The following ACSM4 variants were observed in gnomAD, a reference collection of about 807,000 sequenced individuals.
The protein encoded by ACSM4 is acyl-CoA synthetase medium chain family member 4, also known as acyl-coenzyme A synthetase ACSM4, mitochondrial.
ACSM4 carries 66 observed loss-of-function variants against 73.0 expected under a neutral mutation model. The ratio of observed to expected loss-of-function variants is 0.90; its 90% CI spans 0.74 to 1.11. The LOEUF (loss-of-function observed/expected upper bound fraction) is 1.11. Among genes scored for constraint, ACSM4 ranks in the 50% least tolerant of loss-of-function variants. The pLI is 0.00. For missense variants in ACSM4, 645 were observed against 714.4 expected (o/e 0.90, Z 1.11); for synonymous variants, 222 against 254.0 (o/e 0.87, Z 1.20).
At chr12:7,307,617 T>C (rs748953976) in intron 2 of ACSM4, among the ~76,000 whole-genome samples, 2 of 152,368 alleles carry the variant, frequency 1.3e-5, no homozygotes, top group Non-Finnish European at 2.9e-5. Flanking sequence ...TAGTAATTTA[T>C]AATTTACCCC....
At position 7,327,264 on chromosome 12, in the gene ACSM4, G is replaced by A. The variant is rs767888861; in HGVS notation, c.1656+169G>A. Among the ~76,000 whole-genome samples, 484 of 152,166 alleles carry A rather than the reference G, an allele frequency of 3.2e-3. 4 individuals carry two copies. The highest frequency in any genetic ancestry group is 4.4e-3 in the Non-Finnish European group (302 of 67,990). ...GCTTTAAAATGTTTTATATTAGAAC[G>A]GTATAAGTGAATTATAAACCAGAAC... On this transcript the variant is annotated intron_variant, in intron 12 of 12. Transcript: ENST00000399422.
At chr12:7,324,438 A>G in intron 10 of ACSM4, 38 bp downstream of exon 10, 1 of 1,613,918 alleles carries the variant, frequency 6.2e-7, no homozygotes, top group Non-Finnish European at 8.5e-7. Flanking sequence ...TAACAATTCG[A>G]CAGGGAGGGA....
rs1411190053 is a variant in ACSM4, at chr12:7,318,062, G to A, written c.801G>A (p.Trp267Ter). The change falls in exon 5 of 13, where the codon TGG becomes TGA. Residue 267 changes from tryptophan to a stop codon, truncating the protein, a stop_gained. Coordinates refer to ENST00000399422, the MANE Select transcript of ACSM4 (RefSeq NM_001080454.2). LOFTEE classifies it high-confidence loss of function. ...ACTTGAAGTCCTCAGATATCATATG[G>A]AATATGTCTGACACGGGCTGGGTCA... ...WLDLKSSDII[W>*]NMSDTGWVKA... The A allele has an allele frequency of 3.1e-6, 5 of 1,613,704 alleles. No individual in the cohort carries two copies. The highest frequency in any genetic ancestry group is 2.2e-5 in the East Asian group (1 of 44,854).
chr12:7,326,889 A>G, intron 11 of ACSM4, 87 bp from the exon 12 acceptor site: 1 of 1,381,574 alleles, frequency 7.2e-7, no homozygotes, highest in African/African-American at 1.5e-5. Context: ...ATTAATAAAT[A>G]GTAAGCACCT....
intron 2 of ACSM4, 104 bp downstream of exon 2, chr12:7,306,847 C>CAAAAAAA (rs59277746): frequency 1.2e-4 from 59 of 488,240 alleles, no homozygotes; most frequent in African/African-American, 3.3e-4. Flanking sequence ...ATACAGAAGA[C>CAAAAAAA]AAAAAAAAAA....
chr12:7,317,396 C>T (rs1228664713), intron 4 of ACSM4, 116 bp downstream of exon 4: 2 of 1,351,856 alleles, frequency 1.5e-6, no homozygotes, highest in African/African-American at 3.0e-5. Context: ...ATTATAATAG[C>T]TACAAAACAG....
At chr12:7,328,109 C>CGGGTG (rs1320288758) in intron 12 of ACSM4, among the ~76,000 whole-genome samples, 178 bp from the exon 13 acceptor site, 2 of 152,198 alleles carry the variant, frequency 1.3e-5, no homozygotes, top group African/African-American at 4.8e-5. Flanking sequence ...GATGGAGCTA[C>CGGGTG]ACTATCACCC....
rs965682520 is a variant in ACSM4 at position 7,306,759 on chromosome 12, A to G, written c.412+16A>G. 2.5e-6 allele frequency: 4 copies of G among 1,593,738 alleles called. No individual in the cohort carries two copies. Among genetic ancestry groups the G allele is most frequent in the Non-Finnish European group, 3.4e-6 (4 of 1,168,904 alleles). ...ATACGAACAGGTCAGTGCCAATATT[A>G]GCATTCTAAATCACACAAACACAGA... is the stretch of plus-strand genomic sequence containing the variant. On this transcript the variant is annotated intron_variant, in intron 2 of 12. Coordinates refer to ENST00000399422, the MANE Select transcript of ACSM4 (RefSeq NM_001080454.2).
rs1435243274 is a variant in ACSM4 at position 7,304,338 on chromosome 12, AT to A, written c.14del (p.Phe5SerfsTer29). 1.9e-6 allele frequency: 3 copies of A among 1,613,776 alleles called. No homozygotes were observed. The highest frequency in any genetic ancestry group is 2.5e-6 in the Non-Finnish European group (3 of 1,179,822). Reference sequence around the variant, plus strand: ...ACAAAGTCCTTTGGGAACCATGAAGATTTTTTTCCGCTACCAGACATTTAGA... The same window carrying A: ...ACAAAGTCCTTTGGGAACCATGAAGATTTTTTCCGCTACCAGACATTTAGA... MK[I>X]FFRYQTFRFI... On this transcript the variant is annotated frameshift_variant, in exon 1 of 13. Transcript: ENST00000399422. LOFTEE classifies it high-confidence loss of function.
intron 2 of ACSM4, 119 bp downstream of exon 2, chr12:7,306,862 A>AAG (rs1555189263): frequency 5.0e-6 from 5 of 991,336 alleles, no homozygotes; most frequent in South Asian, 1.8e-5. Flanking sequence ...AAAAAAAAAA[A>AAG]AAGAAGAGTT....
intron 6 of ACSM4, 112 bp from the exon 7 acceptor site, chr12:7,322,306 C>G (rs1265636447): frequency 2.0e-6 from 3 of 1,474,456 alleles, no homozygotes; most frequent in Non-Finnish European, 2.8e-6. Flanking sequence ...ATGAACTTTG[C>G]TAAGACTTGC....
In ACSM4 at chr12:7,327,039, C is replaced by T. The variant is rs754338517; in HGVS notation, c.1600C>T (p.Leu534Phe). Residue 534 changes from leucine to phenylalanine, a missense_variant, in exon 12 of 13, where the codon CTT (leucine) becomes TTT (phenylalanine). Transcript: ENST00000399422. ...FKSYNPEKLT[L>F]ELQDHVKKST... ...GTCCTACAACCCAGAGAAATTAACT[C>T]TTGAACTTCAGGATCATGTGAAAAA... 7.4e-6 allele frequency: 12 copies of T among 1,612,474 alleles called. No homozygotes were observed. Among genetic ancestry groups the T allele is most frequent in the Non-Finnish European group, 1.0e-5 (12 of 1,179,322 alleles).
At chr12:7,316,365 G>A (rs1440261201) in intron 3 of ACSM4, among the ~76,000 whole-genome samples, 2 of 152,152 alleles carry the variant, frequency 1.3e-5, no homozygotes, top group Non-Finnish European at 2.9e-5. Context: ...AATACTTAAA[G>A]GCCATAAAAC....
intron 2 of ACSM4, among the ~76,000 whole-genome samples, chr12:7,309,787 CTT>C (rs1004638406): frequency 3.3e-5 from 5 of 151,788 alleles, no homozygotes; most frequent in Admixed American, 6.6e-5. Context: ...GTTTTTTTCT[CTT>C]GTTTGTTTGT....
In ACSM4 at chr12:7,310,569, T is replaced by G; in HGVS notation, c.443T>G (p.Leu148Arg). The change falls in exon 3 of 13, where the codon CTG (leucine) becomes CGG (arginine). Residue 148 changes from leucine to arginine, a missense_variant. Transcript: ENST00000399422. Reference sequence around the variant, plus strand: ...ATCTTCATGCCGGGAACAATCCAGCTGACAGCAAAAGACATCCTCTACCGG... The same window carrying G: ...ATCTTCATGCCGGGAACAATCCAGCGGACAGCAAAAGACATCCTCTACCGG... Reference protein sequence around the residue: ...GIIFMPGTIQLTAKDILYRLR... With the variant: ...GIIFMPGTIQRTAKDILYRLR... The G allele has an allele frequency of 6.2e-7, 1 of 1,610,184 alleles. No homozygotes were observed. Among genetic ancestry groups the G allele is most frequent in the Non-Finnish European group, 8.5e-7 (1 of 1,178,790 alleles).
At chr12:7,327,476 G>A (rs1342498613) in intron 12 of ACSM4, among the ~76,000 whole-genome samples, 4 of 152,128 alleles carry the variant, frequency 2.6e-5, no homozygotes, top group Non-Finnish European at 5.9e-5. Flanking sequence ...TACATGCCTT[G>A]AAGTATCAAG....
intron 3 of ACSM4, 93 bp downstream of exon 3, chr12:7,310,839 A>G: frequency 7.8e-7 from 1 of 1,285,804 alleles, no homozygotes; most frequent in East Asian, 2.5e-5. Context: ...ACTCAGGAAC[A>G]CTGTCAGTTG....
chr12:7,317,128 AT>A lies in ACSM4; in HGVS notation c.621-5del. 6.2e-7 allele frequency: 1 copy of A among 1,607,000 alleles called. No individual in the cohort carries two copies. The highest frequency in any genetic ancestry group is 8.5e-7 in the Non-Finnish European group (1 of 1,177,220). ...CTTCCACCGCCATCTTGGGGTCCAT[AT>A]TTTGCAGATTCGCCTCTGAAGAGCA... On this transcript the variant is annotated splice_region_variant and splice_polypyrimidine_tract_variant and intron_variant, in intron 3 of 12. Coordinates refer to ENST00000399422, the MANE Select transcript of ACSM4 (RefSeq NM_001080454.2).
At chr12:7,315,008 T>C (rs1946411222) in intron 3 of ACSM4, among the ~76,000 whole-genome samples, 1 of 151,984 alleles carries the variant, frequency 6.6e-6, no homozygotes, top group South Asian at 2.1e-4. Context: ...CCAGTCTGGC[T>C]GACATGGTGA....
Sources: gnomAD v4.1 joint callset for allele counts (sites outside exome capture counted in the v4.1 genomes callset) on GRCh38, gnomAD v4.1.1 for gene constraint, MANE v1.5 for transcripts, NCBI Gene and HGNC (gene_info 2026-07-23, HGNC 2026-07-21) for gene names.